The following AGBL1 variants were observed in gnomAD, a reference collection of about 807,000 sequenced individuals.
AGBL1 encodes the protein cytosolic carboxypeptidase 4.
Under a neutral mutation model 118.9 loss-of-function variants are expected in AGBL1, and 130 were observed. The ratio of observed to expected loss-of-function variants is 1.09; its 90% confidence interval spans 0.95 to 1.26. The LOEUF (loss-of-function observed/expected upper bound fraction) is 1.26. AGBL1 is among the 50% of genes most tolerant of loss of function. The pLI is 0.00. For synonymous variants in AGBL1, 555 were observed against 478.9 expected (o/e 1.16, Z -2.08); for missense variants, 1,584 against 1,298.1 (o/e 1.22, Z -3.38).
At chr15:86,999,208 T>C (rs1374427929) in intron 24 of AGBL1, among the ~76,000 whole-genome samples, 2 of 150,788 alleles carry the variant, frequency 1.3e-5, no homozygotes, top group South Asian at 2.1e-4. Context: ...ATATAAAATA[T>C]AAAATTTTTA....
Position 86,636,702 on chromosome 15 carries a change from CATATATATATATATATATATATATATAT to C in AGBL1, c.2995-37541_2995-37514del, listed in dbSNP as rs1157674222. 7.5e-4 allele frequency among the ~76,000 whole-genome samples: 20 copies of C among 26,776 alleles called. 1 individual carries two copies. The highest frequency in any genetic ancestry group is 6.1e-3 in the East Asian group (6 of 986). 17.6% of individuals were successfully genotyped at this position (26,776 alleles called of 152,430 possible). ...TACAGCTTTGCATGGAACCACCAGT[CATATATATATATATATATATATATATAT>C]ATATATATATATATATATATATATA... is the stretch of plus-strand genomic sequence containing the variant. On this transcript the variant is annotated intron_variant, in intron 21 of 22. Coordinates refer to ENST00000614907, the MANE Select transcript of AGBL1 (RefSeq NM_001386094.1).
intron 11 of AGBL1, among the ~76,000 whole-genome samples, 195 bp from the exon 12 acceptor site, chr15:86,266,179 T>C (rs370054311): frequency 3.3e-5 from 5 of 152,322 alleles, no homozygotes; most frequent in African/African-American, 1.2e-4. Flanking sequence ...TGCAGTTTTA[T>C]TTTTTGATAG....
intron 6 of AGBL1, 82 bp downstream of exon 6, chr15:86,225,033 C>CTTT (rs35578252): frequency 2.9e-4 from 297 of 1,031,644 alleles, no homozygotes; most frequent in South Asian, 3.9e-4. Context: ...ATGGCTGTTT[C>CTTT]TTTTTTTTTT....
chr15:86,738,668 T>C (rs2077635800), intron 22 of AGBL1, among the ~76,000 whole-genome samples: 1 of 152,212 alleles, frequency 6.6e-6, no homozygotes, highest in African/African-American at 2.4e-5. Context: ...TCATGTGACA[T>C]GAAATGGGGT....
intron 1 of AGBL1, among the ~76,000 whole-genome samples, chr15:86,136,204 A>C (rs1391432782): frequency 6.6e-6 from 1 of 152,180 alleles, no homozygotes; most frequent in East Asian, 1.9e-4. Context: ...CCATAGCTAG[A>C]ATTAAAAGGC....
At chr15:86,939,945 A>G (rs565297814) in intron 23 of AGBL1, among the ~76,000 whole-genome samples, 1 of 151,252 alleles carries the variant, frequency 6.6e-6, no homozygotes, top group Admixed American at 6.6e-5. Flanking sequence ...AGGTGGAACC[A>G]TTATTGATTC....
chr15:86,576,176 G>A (rs2084088860), intron 21 of AGBL1, among the ~76,000 whole-genome samples: 1 of 152,166 alleles, frequency 6.6e-6, no homozygotes, highest in Non-Finnish European at 1.5e-5. Flanking sequence ...AATTTTTAGT[G>A]TAGTCATCAG....
In AGBL1 at chr15:86,143,347, C is replaced by A. The variant is rs116994117; in HGVS notation, c.116-352C>A. Among the ~76,000 whole-genome samples the A allele has an allele frequency of 9.4e-4, 143 of 152,296 alleles. 1 individual carries two copies. Among genetic ancestry groups the A allele is most frequent in the Middle Eastern group, 3.4e-3 (1 of 294 alleles). ...TAGCAGAGGGATACTGATATTCTCT[C>A]TTCTAAGTATATGATTATTCAAAAG... On this transcript the variant is annotated intron_variant, in intron 2 of 22. Transcript: ENST00000614907.
At chr15:86,711,785 T>C (rs2086562905) in intron 22 of AGBL1, among the ~76,000 whole-genome samples, 1 of 152,156 alleles carries the variant, frequency 6.6e-6, no homozygotes, top group Non-Finnish European at 1.5e-5. Context: ...TGTTTCCTGA[T>C]CCACAAAGTC....
At position 86,969,807 on chromosome 15, in the gene AGBL1, G is replaced by A. The variant is rs568681400; in HGVS notation, c.3222-18180G>A. Reference sequence around the variant, plus strand: ...AAATTCTCTCATTGAACCTACAGTGGGAATTTAAGGAAACAGCATGCTATT... The same window carrying A: ...AAATTCTCTCATTGAACCTACAGTGAGAATTTAAGGAAACAGCATGCTATT... On this transcript the variant is annotated intron_variant, in intron 23 of 24. Coordinates refer to the AGBL1 transcript ENST00000441037. Among the ~76,000 whole-genome samples the A allele has an allele frequency of 5.3e-5, 8 of 152,014 alleles. No homozygotes were observed. In the East Asian group the frequency reaches 1.4e-3, roughly 26 times the overall value.
chr15:86,988,154 A>G (rs1479378109), intron 24 of AGBL1: 3 of 1,571,944 alleles, frequency 1.9e-6, no homozygotes, highest in Non-Finnish European at 2.6e-6. Context: ...AATACCCTGC[A>G]TGTGACTACA....
chr15:86,384,820 G>T (rs1049984540), intron 17 of AGBL1, among the ~76,000 whole-genome samples: 5 of 152,154 alleles, frequency 3.3e-5, no homozygotes, highest in African/African-American at 1.2e-4. Context: ...ATTACCCTTT[G>T]CAAAGAAATA....
chr15:86,232,882 C>T (rs1223731035), intron 6 of AGBL1, among the ~76,000 whole-genome samples: 1 of 152,080 alleles, frequency 6.6e-6, no homozygotes, highest in African/African-American at 2.4e-5. Context: ...CAGCCCTCAG[C>T]GAAGTGGGAA....
At chr15:86,706,859 T>C (rs60970641) in intron 22 of AGBL1, among the ~76,000 whole-genome samples, 1,824 of 152,248 alleles carry the variant, frequency 0.012, 24 homozygotes, top group East Asian at 0.067. Context: ...AAACACCTAC[T>C]TAACCTAGCT....
chr15:86,744,178 C>T (rs184837221), intron 22 of AGBL1, among the ~76,000 whole-genome samples: 27 of 152,196 alleles, frequency 1.8e-4, no homozygotes, highest in Middle Eastern at 3.4e-3. Flanking sequence ...TTCCTGCCAC[C>T]TTAGTTAAGG....
In AGBL1 at chr15:86,990,344, G is replaced by A. The variant is rs544866503; in HGVS notation, c.3323+2256G>A. On this transcript the variant is annotated intron_variant, in intron 24 of 24. Coordinates refer to the AGBL1 transcript ENST00000441037. ...AGCCTGACCAACAAGGTGAAACCCT[G>A]TCTGTACTAAAAATACAAAAATTAG... 9.0e-4 allele frequency among the ~76,000 whole-genome samples: 137 copies of A among 152,262 alleles called. 1 individual carries two copies. The highest frequency in any genetic ancestry group is 3.3e-3 in the African/African-American group (136 of 41,548).
chr15:86,970,857 T>A (rs2081101335), intron 23 of AGBL1, among the ~76,000 whole-genome samples: 1 of 151,926 alleles, frequency 6.6e-6, no homozygotes, highest in South Asian at 2.1e-4. Flanking sequence ...GAACTGAGGT[T>A]TTAAAATGTT....
At chr15:86,124,533 A>G (rs556924865) in intron 1 of AGBL1, among the ~76,000 whole-genome samples, 7 of 152,118 alleles carry the variant, frequency 4.6e-5, no homozygotes, top group Non-Finnish European at 1.0e-4. Flanking sequence ...ATTATTCTAA[A>G]TTAAAAAGTT....
chr15:86,916,023 CT>C lies in AGBL1; in HGVS notation c.*8731del, dbSNP rs2141611515. 1 of 152,282 alleles carries C rather than the reference CT, an allele frequency of 6.6e-6. No homozygotes were observed. Among genetic ancestry groups the C allele is most frequent in the Non-Finnish European group, 1.5e-5 (1 of 68,028 alleles). 9.4% of individuals were successfully genotyped at this position (152,282 alleles called of 1,614,324 possible). A position where few individuals can be genotyped will look rare whatever the true frequency, so the allele number is the denominator to read the frequency against. On this transcript the variant is annotated 3_prime_UTR_variant, in exon 23 of 23. Coordinates refer to ENST00000614907, the MANE Select transcript of AGBL1 (RefSeq NM_001386094.1). ...TGGCCTGTAGAGGTCAGAAAAGGGC[CT>C]TGTTTTCCAATCACCGACTGTCCTG...
Sources: gnomAD v4.1 joint callset for allele counts (sites outside exome capture counted in the v4.1 genomes callset) on GRCh38, gnomAD v4.1.1 for gene constraint, MANE v1.5 for transcripts, NCBI Gene and HGNC (gene_info 2026-07-23, HGNC 2026-07-21) for gene names.